Variants in RAB37 observed in about 807,000 individuals in gnomAD.
The protein encoded by RAB37 is ras-related protein Rab-37.
RAB37 carries 29 observed loss-of-function variants against 33.1 expected under a neutral mutation model. The observed-to-expected ratio is 0.88, with a 90% confidence interval of 0.65 to 1.20. RAB37 has a LOEUF of 1.20. Among genes scored for constraint, RAB37 ranks in the 50% most tolerant of loss-of-function variants. RAB37 has a pLI of 0.00. For synonymous variants in RAB37, 128 were observed against 119.5 expected (o/e 1.07, Z -0.47); for missense variants, 299 against 301.1 (o/e 0.99, Z 0.05).
At chr17:74,696,902 T>TGG (rs1207656551) in intron 1 of RAB37, among the ~76,000 whole-genome samples, 2 of 137,164 alleles carry the variant, frequency 1.5e-5, no homozygotes, top group Admixed American at 7.4e-5. Context: ...GGGACCGATT[T>TGG]TGTTTGGTTT....
rs1055108158 is a variant in RAB37, at chr17:74,676,092, G to A, written c.72+4434G>A. 6.6e-6 allele frequency among the ~76,000 whole-genome samples: 1 copy of A among 152,188 alleles called. No individual in the cohort carries two copies. The highest frequency in any genetic ancestry group is 6.5e-5 in the Admixed American group (1 of 15,284). On this transcript the variant is annotated intron_variant, in intron 1 of 7. Transcript: ENST00000340415. The surrounding 1 kb of genome is among the most constrained non-coding windows in gnomAD (Gnocchi z 4.1). Reference sequence around the variant, plus strand: ...GGGTAGGGGTTCAGGAACAGCCCACGGATTGGGTCCCTACTGTGCCAGGGT... The same window carrying A: ...GGGTAGGGGTTCAGGAACAGCCCACAGATTGGGTCCCTACTGTGCCAGGGT...
intron 1 of RAB37, among the ~76,000 whole-genome samples, chr17:74,723,426 T>C (rs758424658): frequency 3.3e-5 from 5 of 151,740 alleles, no homozygotes; most frequent in Non-Finnish European, 7.4e-5. Context: ...CTCGTACTTG[T>C]GGGTTTGTTT....
chr17:74,712,931 C>T (rs2034076297), intron 1 of RAB37: 3 of 1,524,466 alleles, frequency 2.0e-6, no homozygotes, highest in South Asian at 2.3e-5. Context: ...ACTACAGACT[C>T]CCAGCCTTCT....
upstream of RAB37, chr17:74,737,002 G>T: frequency 6.3e-7 from 1 of 1,598,380 alleles, no homozygotes; most frequent in South Asian, 1.1e-5. Context: ...GACCGGTCCC[G>T]GGGCTGGATG....
chr17:74,739,564 C>T (rs1483883513), intron 1 of RAB37, among the ~76,000 whole-genome samples: 1 of 137,392 alleles, frequency 7.3e-6, no homozygotes, highest in Non-Finnish European at 1.5e-5. Flanking sequence ...GAGTGTCGCT[C>T]TGTCACCGAG....
intron 1 of RAB37, among the ~76,000 whole-genome samples, chr17:74,696,716 G>A (rs1295715950): frequency 6.6e-6 from 1 of 152,150 alleles, no homozygotes; most frequent in African/African-American, 2.4e-5. Flanking sequence ...ATTCTAGTTA[G>A]TCCTCAGGTG....
chr17:74,734,673 G>A (rs947097278), upstream of RAB37, among the ~76,000 whole-genome samples: 1 of 151,882 alleles, frequency 6.6e-6, no homozygotes, highest in African/African-American at 2.4e-5. Flanking sequence ...GTGAAACCCT[G>A]TCTCTACAAA....
rs141564898 is a variant in RAB37, at chr17:74,676,805, G to A, written c.72+5147G>A. On this transcript the variant is annotated intron_variant, in intron 1 of 7. Transcript: ENST00000340415. The surrounding 1 kb of genome is among the most constrained non-coding windows in gnomAD (Gnocchi z 4.1). ...GCAAGGGAGTGACCCAGGAAGAAAA[G>A]GTCATGTCTGACTGAATTTGAAATG... is the stretch of plus-strand genomic sequence containing the variant. 6.6e-6 allele frequency among the ~76,000 whole-genome samples: 1 copy of A among 152,272 alleles called. No homozygotes were observed. The highest frequency in any genetic ancestry group is 1.5e-5 in the Non-Finnish European group (1 of 68,026).
intron 1 of RAB37, among the ~76,000 whole-genome samples, chr17:74,707,873 T>A (rs1235690653): frequency 6.6e-6 from 1 of 151,484 alleles, no homozygotes. Context: ...ATAAACAAAT[T>A]CCTAGAAAAA....
chr17:74,700,055 T>C (rs941026368), intron 1 of RAB37, among the ~76,000 whole-genome samples: 4 of 151,904 alleles, frequency 2.6e-5, no homozygotes, highest in Admixed American at 2.6e-4. Context: ...GGTGGGAGAA[T>C]TGCTTGAACC....
intron 1 of RAB37, among the ~76,000 whole-genome samples, chr17:74,692,108 C>T (rs550345321): frequency 1.7e-4 from 26 of 152,052 alleles, no homozygotes; most frequent in Admixed American, 3.3e-4. Flanking sequence ...CCTTGTGATC[C>T]GCCCACCTCG....
At chr17:74,704,625 G>C in intron 1 of RAB37, 1 of 1,614,134 alleles carries the variant, frequency 6.2e-7, no homozygotes, top group Non-Finnish European at 8.5e-7. Flanking sequence ...ATGGACACCC[G>C]GTCCCTCTTC....
chr17:74,671,478 C>G lies in RAB37; in HGVS notation c.-109C>G. 1.9e-6 allele frequency: 2 copies of G among 1,030,610 alleles called. No individual in the cohort carries two copies. Among genetic ancestry groups the G allele is most frequent in the Non-Finnish European group, 1.5e-6 (1 of 682,618 alleles). 63.8% of individuals were successfully genotyped at this position (1,030,610 alleles called of 1,614,324 possible). On this transcript the variant is annotated 5_prime_UTR_variant, in exon 1 of 8. Coordinates refer to the RAB37 transcript ENST00000340415. This position sits in a 1 kb window ranked among gnomAD's most constrained non-coding sequence, Gnocchi z 5.0. ...TGCTGAAAACGGATGCGGCCCGGCC[C>G]GCAGAGCTCAGACCCAAGCCTGCCG...
At position 74,706,052 on chromosome 17, in the gene RAB37, A is replaced by G. The variant is rs1029541631; in HGVS notation, c.73-23204A>G. Among the ~76,000 whole-genome samples, 4 of 152,282 alleles carry G rather than the reference A, an allele frequency of 2.6e-5. No homozygotes were observed. The South Asian group carries it at 8.3e-4, about 32-fold the overall frequency. Reference sequence around the variant, plus strand: ...AGTGGGAGCTAAACATTGGTTATGCATGGACATAAAGATGGGAACAACAGG... The same window carrying G: ...AGTGGGAGCTAAACATTGGTTATGCGTGGACATAAAGATGGGAACAACAGG... On this transcript the variant is annotated intron_variant, in intron 1 of 7. Coordinates refer to the RAB37 transcript ENST00000340415.
chr17:74,734,479 T>C (rs1256621577), upstream of RAB37, among the ~76,000 whole-genome samples: 4 of 152,162 alleles, frequency 2.6e-5, no homozygotes, highest in African/African-American at 7.2e-5. Flanking sequence ...TGGTTTACAG[T>C]AGAAGGTGAG....
chr17:74,682,494 C>A (rs1251601500), intron 1 of RAB37, among the ~76,000 whole-genome samples: 3 of 152,148 alleles, frequency 2.0e-5, no homozygotes, highest in African/African-American at 7.2e-5. Flanking sequence ...TTGCCACATG[C>A]CCACCCCTGA....
intron 1 of RAB37, among the ~76,000 whole-genome samples, chr17:74,728,271 C>A (rs115762929): frequency 6.6e-6 from 1 of 151,008 alleles, no homozygotes; most frequent in African/African-American, 2.4e-5. Context: ...TGTGTTTCCA[C>A]ATGTCTGTGT....
chr17:74,744,461 C>T lies in RAB37; in HGVS notation c.432+88C>T, dbSNP rs757286091. 12 of 1,289,824 alleles carry T rather than the reference C, an allele frequency of 9.3e-6. No individual in the cohort carries two copies. The highest frequency in any genetic ancestry group is 1.2e-5 in the South Asian group (1 of 83,284). 79.9% of individuals were successfully genotyped at this position (1,289,824 alleles called of 1,614,324 possible). ...AACCACCCAAGAACAGTTATCTAGG[C>T]ATCCTTCCTGAAAAGGACTCTGCAG... On this transcript the variant is annotated intron_variant, in intron 6 of 8. Coordinates refer to ENST00000392613, the MANE Select transcript of RAB37 (RefSeq NM_001006638.3). This position sits in a 1 kb window ranked among gnomAD's most constrained non-coding sequence, Gnocchi z 4.2.
At chr17:74,737,806 A>G (rs1016279739) in intron 1 of RAB37, among the ~76,000 whole-genome samples, 1 of 152,102 alleles carries the variant, frequency 6.6e-6, no homozygotes, top group Non-Finnish European at 1.5e-5. Flanking sequence ...TTGAGATCTG[A>G]CATCCAGGTT....
Sources: gnomAD v4.1 joint callset for allele counts (sites outside exome capture counted in the v4.1 genomes callset) on GRCh38, gnomAD v4.1.1 for gene constraint, Gnocchi (gnomAD v3.1) non-coding constraint, MANE v1.5 for transcripts, NCBI Gene and HGNC (gene_info 2026-07-23, HGNC 2026-07-21) for gene names.